SOX30: variants seen among roughly 807,000 people sequenced by gnomAD.
SOX30 encodes transcription factor SOX-30.
A neutral mutation model predicts 58.6 loss-of-function variants in SOX30; 17 were observed. The observed-to-expected ratio is 0.29, with a 90% CI of 0.20 to 0.44. The LOEUF (loss-of-function observed/expected upper bound fraction) is 0.44, where lower values mean the gene tolerates loss of function less well. SOX30 is among the 20% of genes least tolerant of loss of function. SOX30 has a pLI of 1.00. For missense variants in SOX30, 951 were observed against 965.8 expected (o/e 0.98, Z 0.20); for synonymous variants, 421 against 400.2 (o/e 1.05, Z -0.62).
intron 2 of SOX30, among the ~76,000 whole-genome samples, chr5:157,657,723 T>A (rs946116770): frequency 6.6e-6 from 1 of 152,232 alleles, no homozygotes; most frequent in Non-Finnish European, 1.5e-5. Context: ...GTGAATAACA[T>A]TTGAAGCATA....
rs1255548903 is a variant in SOX30, at chr5:157,630,931, T to A, written c.1881-4210A>T. 4.8e-5 allele frequency among the ~76,000 whole-genome samples: 6 copies of A among 126,138 alleles called. 1 individual carries two copies. The highest frequency in any genetic ancestry group is 1.8e-4 in the Admixed American group (2 of 11,242). 82.8% of individuals were successfully genotyped at this position (126,138 alleles called of 152,430 possible). ...AATATATAATATCTATATTATATAT[T>A]ATATATATATACTATATATATTGTA... On this transcript the variant is annotated intron_variant, in intron 4 of 4. Transcript: ENST00000265007.
chr5:157,633,486 T>C (rs1319308186), intron 4 of SOX30, among the ~76,000 whole-genome samples: 1 of 152,234 alleles, frequency 6.6e-6, no homozygotes, highest in Non-Finnish European at 1.5e-5. Context: ...ATTGTTCATA[T>C]TTAAATTTAA....
Position 157,651,262 on chromosome 5 carries a change from T to A in SOX30, c.817A>T (p.Ile273Phe). Residue 273 changes from isoleucine (I) to phenylalanine (F), a missense_variant, in exon 1 of 5, where the codon ATC (isoleucine) becomes TTC (phenylalanine). Around this residue, in one of 7 missense-constraint regions of SOX30, gnomAD observed 84 missense variants for 68.2 expected, o/e 1.23. Transcript: ENST00000265007. ...TLHTVPPGAR[I>F]QFQGAPPSEL... ...GAAGGCGGAGCTCCCTGAAACTGGA[T>A]CCGGGCCCCAGGGGGGACCGTGTGG... is the stretch of plus-strand genomic sequence containing the variant. 1 of 1,614,156 alleles carries A rather than the reference T, an allele frequency of 6.2e-7. No homozygotes were observed. Among genetic ancestry groups the A allele is most frequent in the Admixed American group, 1.7e-5 (1 of 60,024 alleles).
intron 3 of SOX30, among the ~76,000 whole-genome samples, chr5:157,641,475 T>C (rs1397090802): frequency 6.6e-6 from 1 of 152,120 alleles, no homozygotes; most frequent in East Asian, 1.9e-4. Context: ...TAGCCGGGCT[T>C]GGTGGCATGC....
chr5:157,645,222 A>G (rs1759160378), intron 3 of SOX30, among the ~76,000 whole-genome samples: 1 of 152,160 alleles, frequency 6.6e-6, no homozygotes, highest in Non-Finnish European at 1.5e-5. Flanking sequence ...AAACAACAAC[A>G]ACAACAACAC....
At chr5:157,658,567 C>T (rs746162832) in intron 2 of SOX30, among the ~76,000 whole-genome samples, 8 of 152,174 alleles carry the variant, frequency 5.3e-5, no homozygotes, top group Non-Finnish European at 8.8e-5. Flanking sequence ...ATGAATTGCC[C>T]TCGCCATACT....
chr5:157,656,707 T>A (rs1033409503), upstream of SOX30, among the ~76,000 whole-genome samples: 3 of 152,212 alleles, frequency 2.0e-5, no homozygotes, highest in Admixed American at 1.3e-4. Context: ...GAAAGTGAAA[T>A]GTGTTTTTGG....
In SOX30 at chr5:157,651,302, C is replaced by A. The variant is rs1759327014; in HGVS notation, c.777G>T (p.Arg259Ser). ...GAFGPHQQDL[R>S]IPLTLHTVPP... ...GGACCGTGTGGAGCGTCAAAGGGAT[C>A]CTAAGGTCTTGCTGGTGCGGCCCAA... Residue 259 changes from arginine to serine, a missense_variant, in exon 1 of 5, where the codon AGG becomes AGT. Around this residue, in one of 7 missense-constraint regions of SOX30, gnomAD observed 84 missense variants for 68.2 expected, o/e 1.23. Coordinates refer to ENST00000265007, the MANE Select transcript of SOX30 (RefSeq NM_178424.2). The A allele has an allele frequency of 6.2e-7, 1 of 1,614,000 alleles. No homozygotes were observed. Among genetic ancestry groups the A allele is most frequent in the South Asian group, 1.1e-5 (1 of 91,084 alleles).
chr5:157,652,010 C>T lies in SOX30; in HGVS notation c.69G>A (p.Pro23=), dbSNP rs1379160758. 3 of 1,429,404 alleles carry T rather than the reference C, an allele frequency of 2.1e-6. No homozygotes were observed. Among genetic ancestry groups the T allele is most frequent in the East Asian group, 2.7e-5 (1 of 36,972 alleles). The allele number at this position is 1,429,404 out of a possible 1,614,324, so 88.5% of individuals were successfully genotyped here. A position where few individuals can be genotyped will look rare whatever the true frequency, so the allele number is the denominator to read the frequency against. ...CTGCCCAAAAGGAGGTGCCCTCGACCGGCAGCGGGGGCGGAGCGGGACGCA... is the reference window on the plus strand; with the variant it reads ...CTGCCCAAAAGGAGGTGCCCTCGACTGGCAGCGGGGGCGGAGCGGGACGCA... ...RPLRPAPPPL[P]VEGTSFWAAA... The change falls in exon 1 of 5, where the codon CCG becomes CCA. Residue 23 remains proline (P), a synonymous_variant. Coordinates refer to ENST00000265007, the MANE Select transcript of SOX30 (RefSeq NM_178424.2).
chr5:157,667,746 A>G, intron 2 of SOX30: 3 of 1,417,400 alleles, frequency 2.1e-6, no homozygotes, highest in Admixed American at 2.6e-5. Flanking sequence ...CTCAGAATAC[A>G]TACATACATA....
In SOX30 at chr5:157,651,126, A is replaced by G. The variant is rs1366401001; in HGVS notation, c.953T>C (p.Leu318Ser). 3 of 1,547,418 alleles carry G rather than the reference A, an allele frequency of 1.9e-6. No individual in the cohort carries two copies. Among genetic ancestry groups the G allele is most frequent in the Non-Finnish European group, 2.6e-6 (3 of 1,146,922 alleles). The change falls in exon 1 of 5, where the codon TTG (leucine) becomes TCG (serine). Residue 318 changes from leucine to serine, a missense_variant. By Grantham distance (145) the Leu-to-Ser change is moderately radical (BLOSUM62 -2). Transcript: ENST00000265007. ...IETKDVPLTVLPSDAGIPDTP... is the reference protein window; with the variant it reads ...IETKDVPLTVSPSDAGIPDTP... ...CTGTCTAATACCTGCATCTGAGGGC[A>G]ACACGGTGAGCGGGACATCTTTGGT... is the stretch of plus-strand genomic sequence containing the variant.
At chr5:157,654,845 A>G (rs1759440733), upstream of SOX30, among the ~76,000 whole-genome samples, 1 of 152,214 alleles carries the variant, frequency 6.6e-6, no homozygotes, top group Admixed American at 6.5e-5. Context: ...GTTATCCTAT[A>G]TGGTCTAAAA....
In SOX30 at chr5:157,626,564, T is replaced by G; in HGVS notation, c.2038A>C (p.Thr680Pro). The G allele has an allele frequency of 6.2e-7, 1 of 1,614,204 alleles. No homozygotes were observed. The highest frequency in any genetic ancestry group is 8.5e-7 in the Non-Finnish European group (1 of 1,180,028). The change falls in exon 5 of 5, where the codon ACA (threonine) becomes CCA (proline). Residue 680 changes from threonine (T) to proline (P), a missense_variant. Around this residue, in one of 7 missense-constraint regions of SOX30, gnomAD observed 381 missense variants for 390.0 expected, o/e 0.98. Coordinates refer to ENST00000265007, the MANE Select transcript of SOX30 (RefSeq NM_178424.2). ...CAACTCCGAGAATTTTCACTGTGTG[T>G]GCATTCACTTGAGTAGTCTCTAAAA... ...YSFRDYSSECTHSENSRSCEN... is the reference protein window; with the variant it reads ...YSFRDYSSECPHSENSRSCEN...
chr5:157,642,077 A>G (rs1202566030), intron 3 of SOX30, among the ~76,000 whole-genome samples: 1 of 152,124 alleles, frequency 6.6e-6, no homozygotes, highest in Non-Finnish European at 1.5e-5. Context: ...GCACTTCGGG[A>G]GGCTGAGACG....
At position 157,652,055 on chromosome 5, in the gene SOX30, C is replaced by T. The variant is rs1448827296; in HGVS notation, c.24G>A (p.Pro8=). Residue 8 remains proline, a synonymous_variant, in exon 1 of 5, where the codon CCG becomes CCA. Coordinates refer to ENST00000265007, the MANE Select transcript of SOX30 (RefSeq NM_178424.2). ...GACGCAACGGGCGCGGCTGAGGCGGCGGCTCGGGTCTGGCTCTCTCCATGG... is the reference window on the plus strand; with the variant it reads ...GACGCAACGGGCGCGGCTGAGGCGGTGGCTCGGGTCTGGCTCTCTCCATGG... MERARPE[P]PPQPRPLRPA... 4.2e-6 allele frequency: 6 copies of T among 1,420,658 alleles called. No homozygotes were observed. The highest frequency in any genetic ancestry group is 1.5e-5 in the African/African-American group (1 of 66,828). The allele number at this position is 1,420,658 out of a possible 1,614,324, so 88.0% of individuals were successfully genotyped here.
chr5:157,668,075 A>T (rs551369588), intron 1 of SOX30, among the ~76,000 whole-genome samples: 2 of 152,180 alleles, frequency 1.3e-5, no homozygotes, highest in East Asian at 1.9e-4. Context: ...CTGCCGCCCC[A>T]GTGATTCTCA....
At chr5:157,632,441 C>G (rs985073142) in intron 4 of SOX30, among the ~76,000 whole-genome samples, 3 of 152,072 alleles carry the variant, frequency 2.0e-5, no homozygotes, top group African/African-American at 7.2e-5. Context: ...CGGGTGAAAC[C>G]CCATCTGTAC....
rs373984975 is a variant in SOX30, at chr5:157,651,917, C to T, written c.162G>A (p.Ser54=). 8.5e-5 allele frequency: 129 copies of T among 1,515,070 alleles called. No homozygotes were observed. In the African/African-American group the frequency reaches 1.4e-3, roughly 16 times the overall value. 93.9% of individuals were successfully genotyped at this position (1,515,070 alleles called of 1,614,324 possible). Residue 54 remains serine (S), a synonymous_variant, in exon 1 of 5, where the codon TCG becomes TCA. Coordinates refer to ENST00000265007, the MANE Select transcript of SOX30 (RefSeq NM_178424.2). ...AGCCGGACGCCACTGCCTCCCCGCA[C>T]GACGAGGCCAAGGTCGCACTGGCTG... The part of the protein sequence containing the change: ...SAAASATLAS[S]CGEAVASGLQ...
intron 3 of SOX30, among the ~76,000 whole-genome samples, chr5:157,644,922 A>G (rs62387669): frequency 0.17 from 25,365 of 152,190 alleles, 2,449 homozygotes; most frequent in African/African-American, 0.27. Flanking sequence ...CAGAGGCTGC[A>G]GTGAGCCGAG....
Sources: gnomAD v4.1 joint callset for allele counts (sites outside exome capture counted in the v4.1 genomes callset) on GRCh38, gnomAD v4.1.1 for gene constraint, gnomAD v4.1.1 regional missense constraint, MANE v1.5 for transcripts, NCBI Gene and HGNC (gene_info 2026-07-23, HGNC 2026-07-21) for gene names.